Variants in EPHA7 observed in about 807,000 individuals in gnomAD.
EPHA7 encodes the protein ephrin type-A receptor 7.
A neutral mutation model predicts 112.6 loss-of-function variants in EPHA7; 25 were observed. The ratio of observed to expected loss-of-function variants is 0.22; its 90% CI spans 0.16 to 0.31. EPHA7 has a LOEUF of 0.31. Among genes scored for constraint, EPHA7 ranks in the 10% least tolerant of loss-of-function variants. The pLI, the probability that EPHA7 is intolerant of heterozygous loss-of-function variation, is 1.00. For synonymous variants in EPHA7, 437 were observed against 406.5 expected (o/e 1.07, Z -0.90); for missense variants, 962 against 1,212.6 (o/e 0.79, Z 3.07).
intron 5 of EPHA7, among the ~76,000 whole-genome samples, chr6:93,294,513 AG>A (rs1772552361): frequency 6.6e-6 from 1 of 152,136 alleles, no homozygotes; most frequent in Non-Finnish European, 1.5e-5. Context: ...ATTTTTATTA[AG>A]GGGAATGTTC....
At chr6:93,324,137 T>C (rs1774204311) in intron 5 of EPHA7, among the ~76,000 whole-genome samples, 1 of 151,468 alleles carries the variant, frequency 6.6e-6, no homozygotes, top group Non-Finnish European at 1.5e-5. Flanking sequence ...CTTACAAAAA[T>C]ACTGCAAAAT....
intron 11 of EPHA7, 27 bp downstream of exon 11, chr6:93,258,072 T>A: frequency 6.3e-7 from 1 of 1,592,836 alleles, no homozygotes; most frequent in Non-Finnish European, 8.6e-7. Flanking sequence ...GTCTTTTTGA[T>A]AAAATAAAGA....
At chr6:93,398,261 T>C (rs1778274886) in intron 3 of EPHA7, among the ~76,000 whole-genome samples, 1 of 151,986 alleles carries the variant, frequency 6.6e-6, no homozygotes, top group Admixed American at 6.6e-5. Context: ...TTAAGAACTT[T>C]AACTGATTAA....
chr6:93,380,547 A>C (rs1489546708), intron 3 of EPHA7, among the ~76,000 whole-genome samples: 1 of 152,114 alleles, frequency 6.6e-6, no homozygotes, highest in Non-Finnish European at 1.5e-5. Context: ...ATCAGTTTTT[A>C]CACATTAGTT....
At chr6:93,277,194 G>A (rs1245307358) in intron 5 of EPHA7, among the ~76,000 whole-genome samples, 1 of 151,888 alleles carries the variant, frequency 6.6e-6, no homozygotes, top group Non-Finnish European at 1.5e-5. Context: ...GTTACTATGA[G>A]CTTAGTATTT....
intron 1 of EPHA7, among the ~76,000 whole-genome samples, chr6:93,416,091 G>GA (rs35196521): frequency 3.3e-4 from 49 of 149,012 alleles, no homozygotes; most frequent in East Asian, 5.9e-4. Context: ...AGACTGACAG[G>GA]AAAAAAAAAA....
intron 5 of EPHA7, among the ~76,000 whole-genome samples, chr6:93,309,697 A>G (rs1176001418): frequency 6.6e-6 from 1 of 152,152 alleles, no homozygotes; most frequent in East Asian, 1.9e-4. Flanking sequence ...ATACCATTAT[A>G]AAATATTTTA....
At chr6:93,307,861 G>A (rs1773336019) in intron 5 of EPHA7, among the ~76,000 whole-genome samples, 1 of 152,138 alleles carries the variant, frequency 6.6e-6, no homozygotes, top group Admixed American at 6.5e-5. Flanking sequence ...GTAATAATGA[G>A]AGTAACTTCT....
chr6:93,353,877 C>A (rs1339333839), intron 5 of EPHA7, among the ~76,000 whole-genome samples: 1 of 152,014 alleles, frequency 6.6e-6, no homozygotes, highest in African/African-American at 2.4e-5. Context: ...CACTTCTACT[C>A]ACACAAATAC....
chr6:93,406,532 T>C (rs1778730291), intron 3 of EPHA7, among the ~76,000 whole-genome samples: 1 of 151,888 alleles, frequency 6.6e-6, no homozygotes, highest in Non-Finnish European at 1.5e-5. Context: ...CTTGAATTGG[T>C]AAACAGGATT....
chr6:93,344,286 C>G (rs144574250), intron 5 of EPHA7, among the ~76,000 whole-genome samples: 1 of 151,202 alleles, frequency 6.6e-6, no homozygotes, highest in East Asian at 1.9e-4. Flanking sequence ...TTTTTATGAC[C>G]TTTATTTCTG....
intron 5 of EPHA7, among the ~76,000 whole-genome samples, chr6:93,341,096 AT>A (rs1775116031): frequency 6.6e-6 from 1 of 151,946 alleles, no homozygotes; most frequent in Non-Finnish European, 1.5e-5. Flanking sequence ...TATTTAGTCT[AT>A]TAAAGATTGG....
At chr6:93,325,987 C>T (rs1774299104) in intron 5 of EPHA7, among the ~76,000 whole-genome samples, 1 of 151,314 alleles carries the variant, frequency 6.6e-6, no homozygotes, top group African/African-American at 2.4e-5. Flanking sequence ...CCTCTCTTCG[C>T]CATCAATGAG....
rs751099029 is a variant in EPHA7, at chr6:93,410,778, G to A, written c.555C>T (p.Ala185=). 6.2e-7 allele frequency: 1 copy of A among 1,614,076 alleles called. No homozygotes were observed. The highest frequency in any genetic ancestry group is 8.5e-7 in the Non-Finnish European group (1 of 1,179,966). Reference sequence around the variant, plus strand: ...CTATGCAAGCCCCTACATCCTGAAAGGCAAGATAGAATCCCTTTTTGGACA... The same window carrying A: ...CTATGCAAGCCCCTACATCCTGAAAAGCAAGATAGAATCCCTTTTTGGACA... ...GPLSKKGFYL[A]FQDVGACIAL... Residue 185 remains alanine, a synonymous_variant, in exon 3 of 17, where the codon GCC becomes GCT. Coordinates refer to ENST00000369303, the MANE Select transcript of EPHA7 (RefSeq NM_004440.4). The surrounding 1 kb of genome is among the most constrained non-coding windows in gnomAD (Gnocchi z 4.0).
At chr6:93,391,387 A>G (rs937180921) in intron 3 of EPHA7, among the ~76,000 whole-genome samples, 32 of 151,978 alleles carry the variant, frequency 2.1e-4, no homozygotes, top group African/African-American at 7.0e-4. Flanking sequence ...AAAACTGGAA[A>G]ATACTTCCCA....
intron 3 of EPHA7, among the ~76,000 whole-genome samples, chr6:93,390,454 A>T (rs1777848100): frequency 1.3e-5 from 2 of 151,770 alleles, no homozygotes; most frequent in South Asian, 4.1e-4. Flanking sequence ...CTGGATTTTA[A>T]ATATGGCATT....
intron 5 of EPHA7, among the ~76,000 whole-genome samples, chr6:93,295,361 C>G (rs1290738651): frequency 3.3e-5 from 5 of 151,546 alleles, no homozygotes; most frequent in Non-Finnish European, 4.4e-5. Context: ...TTTCATTGCT[C>G]TCCATTTTGG....
chr6:93,322,917 T>C (rs1774146523), intron 5 of EPHA7, among the ~76,000 whole-genome samples: 1 of 151,520 alleles, frequency 6.6e-6, no homozygotes, highest in African/African-American at 2.4e-5. Context: ...ATATGTCAAT[T>C]ATCACTTTTT....
intron 5 of EPHA7, among the ~76,000 whole-genome samples, chr6:93,346,918 C>T (rs1208149932): frequency 6.6e-6 from 1 of 151,618 alleles, no homozygotes; most frequent in Non-Finnish European, 1.5e-5. Flanking sequence ...GATGAATATT[C>T]AGCTTACTTA....
Sources: allele counts gnomAD v4.1 joint callset (sites outside exome capture counted in the v4.1 genomes callset), GRCh38; gene constraint gnomAD v4.1.1; non-coding constraint Gnocchi (gnomAD v3.1); transcripts MANE v1.5; gene names NCBI Gene and HGNC (gene_info 2026-07-23, HGNC 2026-07-21).